TENM3: variants seen among roughly 807,000 people sequenced by gnomAD.
The protein encoded by TENM3 is teneurin-3.
In TENM3, 63 loss-of-function variants were observed where a neutral mutation model predicts 255.1. The ratio of observed to expected loss-of-function variants is 0.25; its 90% confidence interval spans 0.20 to 0.30. The LOEUF is 0.30. Among genes scored for constraint, TENM3 ranks in the 10% least tolerant of loss-of-function variants. TENM3 has a pLI of 1.00. For synonymous variants in TENM3, 1,306 were observed against 1,322.3 expected, an observed-to-expected ratio of 0.99 and a Z score of 0.27; for missense variants, 2,929 against 3,461.1, an observed-to-expected ratio of 0.85 and a Z score of 3.86.
rs527742643 is a variant in TENM3, at chr4:182,436,286, G to A, written c.511+89357G>A. ...GACCGAGTTCCGAGTGCGTAACCCT[G>A]TGAATAGGATATCCTGGGAGAACAT... is the stretch of plus-strand genomic sequence containing the variant. On this transcript the variant is annotated intron_variant, in intron 3 of 27. Transcript: ENST00000511685. Among the ~76,000 whole-genome samples, 3 of 152,278 alleles carry A rather than the reference G, an allele frequency of 2.0e-5. No individual in the cohort carries two copies. In the South Asian group the frequency reaches 6.2e-4, roughly 32 times the overall value.
rs1767072369 is a variant in TENM3, at chr4:182,802,969, T to A, written c.*2618T>A. On this transcript the variant is annotated 3_prime_UTR_variant, in exon 28 of 28. Coordinates refer to ENST00000511685, the MANE Select transcript of TENM3 (RefSeq NM_001080477.4). ...CTTTATATGTGACCTGAATTTTCCA[T>A]AACTTGATGACTATAGATTGCACCT... The A allele has an allele frequency of 6.6e-6, 1 of 152,620 alleles. No homozygotes were observed. Among genetic ancestry groups the A allele is most frequent in the Non-Finnish European group, 1.5e-5 (1 of 68,028 alleles). 9.5% of individuals were successfully genotyped at this position (152,620 alleles called of 1,614,324 possible).
At chr4:182,333,276 C>T (rs1763897213) in intron 2 of TENM3, among the ~76,000 whole-genome samples, 1 of 152,186 alleles carries the variant, frequency 6.6e-6, no homozygotes, top group Admixed American at 6.5e-5. Context: ...ACATAAATTG[C>T]TTCACCTACC....
the TENM3 span, among the ~76,000 whole-genome samples, chr4:181,683,543 T>C: frequency 1.9e-3 from 290 of 152,340 alleles, 3 homozygotes; most frequent in Middle Eastern, 0.014. Flanking sequence ...TTCTATAAGC[T>C]CCCAGCTGAT....
At chr4:182,028,065 T>A in the TENM3 span, among the ~76,000 whole-genome samples, 86,537 of 152,028 alleles carry the variant, frequency 0.57, 28,401 homozygotes, top group South Asian at 0.76. Flanking sequence ...TCTTTAAATG[T>A]TTGGTAGAAT....
chr4:181,952,963 T>A, the TENM3 span, among the ~76,000 whole-genome samples: 1 of 152,250 alleles, frequency 6.6e-6, no homozygotes, highest in South Asian at 2.1e-4. Context: ...ACAGTCATTG[T>A]GGCCATGGCC....
chr4:182,337,770 T>C (rs749482349), intron 2 of TENM3, among the ~76,000 whole-genome samples: 12 of 152,222 alleles, frequency 7.9e-5, no homozygotes, highest in Non-Finnish European at 1.6e-4. Context: ...GATATAACAA[T>C]TGTATGTTAA....
the TENM3 span, among the ~76,000 whole-genome samples, chr4:181,591,916 G>A: frequency 1.3e-5 from 2 of 151,624 alleles, no homozygotes; most frequent in Admixed American, 6.6e-5. Context: ...CCACAACAAC[G>A]TGGATGAATC....
chr4:182,141,871 C>G (rs2149535372), upstream of TENM3: 1 of 152,308 alleles, frequency 6.6e-6, no homozygotes, highest in African/African-American at 2.4e-5. Context: ...CAATGTAGCA[C>G]TTCAGTTCTG....
At chr4:181,778,354 G>C in the TENM3 span, among the ~76,000 whole-genome samples, 1 of 152,060 alleles carries the variant, frequency 6.6e-6, no homozygotes, top group Non-Finnish European at 1.5e-5. Flanking sequence ...TATTTTTATT[G>C]TAAGAAATGT....
chr4:182,034,712 C>T, the TENM3 span, among the ~76,000 whole-genome samples: 1 of 152,142 alleles, frequency 6.6e-6, no homozygotes, highest in Admixed American at 6.5e-5. Context: ...ATATCAGCCC[C>T]CAATATCTTC....
chr4:182,378,211 A>C (rs67803058), intron 3 of TENM3, among the ~76,000 whole-genome samples: 23,511 of 152,174 alleles, frequency 0.15, 3,360 homozygotes, highest in African/African-American at 0.38. Context: ...ACCAACATAC[A>C]GAGAGATTTA....
chr4:182,510,106 A>G (rs1737238934), intron 3 of TENM3, among the ~76,000 whole-genome samples: 2 of 152,214 alleles, frequency 1.3e-5, no homozygotes, highest in Non-Finnish European at 2.9e-5. Flanking sequence ...ATTAAAACAA[A>G]TTCTCCACCA....
At chr4:181,673,881 TG>T in the TENM3 span, among the ~76,000 whole-genome samples, 2 of 151,408 alleles carry the variant, frequency 1.3e-5, no homozygotes, top group African/African-American at 4.9e-5. Context: ...TGTGTGTGTG[TG>T]TGTGTGTGTT....
intron 1 of TENM3, among the ~76,000 whole-genome samples, chr4:182,158,099 G>C (rs2149609242): frequency 6.6e-6 from 1 of 152,296 alleles, no homozygotes; most frequent in South Asian, 2.1e-4. Context: ...ATGGGGAGTG[G>C]TGAGGACTGT....
chr4:181,824,211 C>G, the TENM3 span, among the ~76,000 whole-genome samples: 4 of 152,020 alleles, frequency 2.6e-5, no homozygotes, highest in African/African-American at 9.7e-5. Context: ...AAATGGTCCT[C>G]CCACCTCAGC....
intron 1 of TENM3, among the ~76,000 whole-genome samples, chr4:182,245,070 T>C (rs1471270591): frequency 3.3e-5 from 5 of 152,126 alleles, no homozygotes; most frequent in Admixed American, 3.3e-4. Context: ...AACAATCGAG[T>C]GTTAGGCTGT....
chr4:181,894,627 C>G, the TENM3 span, among the ~76,000 whole-genome samples: 1 of 151,640 alleles, frequency 6.6e-6, no homozygotes, highest in African/African-American at 2.4e-5. Context: ...AGGTCAGAAT[C>G]CTTAATCCAA....
the TENM3 span, among the ~76,000 whole-genome samples, chr4:182,100,670 CAT>C: frequency 3.9e-5 from 3 of 76,430 alleles, no homozygotes; most frequent in Non-Finnish European, 8.1e-5. Context: ...CATATATACA[CAT>C]ATATATACAC....
the TENM3 span, among the ~76,000 whole-genome samples, chr4:181,667,223 C>G: frequency 6.6e-6 from 1 of 152,074 alleles, no homozygotes; most frequent in Non-Finnish European, 1.5e-5. Flanking sequence ...ATGAGGTATC[C>G]GTCCATTAAT....
Sources: allele counts gnomAD v4.1 joint callset (sites outside exome capture counted in the v4.1 genomes callset), GRCh38; gene constraint gnomAD v4.1.1; transcripts MANE v1.5; gene names NCBI Gene and HGNC (gene_info 2026-07-23, HGNC 2026-07-21).